The following MTAP variants were observed in gnomAD, a reference collection of about 807,000 sequenced individuals.
The protein encoded by MTAP is S-methyl-5'-thioadenosine phosphorylase.
Under a neutral mutation model 33.6 loss-of-function variants are expected in MTAP, and 33 were observed. The ratio of observed to expected loss-of-function variants is 0.98; its 90% CI spans 0.74 to 1.31. The LOEUF is 1.31. Among genes scored for constraint, MTAP ranks in the 40% most tolerant of loss-of-function variants. The pLI is 0.00. For missense variants in MTAP, 367 were observed against 360.0 expected (o/e 1.02, Z -0.16); for synonymous variants, 148 against 125.7 (o/e 1.18, Z -1.19).
At chr9:21,929,924 A>G (rs1818929542) in intron 1 of MTAP, 1 of 406,992 alleles carries the variant, frequency 2.5e-6, no homozygotes, top group African/African-American at 2.0e-5. Context: ...TAACCAACAG[A>G]CTGATGGAAC....
At chr9:21,839,410 G>T (rs552847232) in intron 5 of MTAP, among the ~76,000 whole-genome samples, 1 of 152,158 alleles carries the variant, frequency 6.6e-6, no homozygotes, top group Non-Finnish European at 1.5e-5. Flanking sequence ...ATGCATGCTC[G>T]TATGAATCTG....
chr9:21,802,868 T>C, intron 1 of MTAP, 87 bp downstream of exon 1: 3 of 1,561,006 alleles, frequency 1.9e-6, no homozygotes, highest in Admixed American at 1.9e-5. Flanking sequence ...CCGGGGGCCA[T>C]GCGCCCGGCC....
intron 1 of MTAP, among the ~76,000 whole-genome samples, chr9:21,907,071 A>G (rs1343476389): frequency 6.6e-6 from 1 of 152,204 alleles, no homozygotes; most frequent in Admixed American, 6.5e-5. Context: ...GTGAGTGGGT[A>G]TGCTTATTGA....
chr9:21,816,689 A>G, intron 2 of MTAP, 25 bp from the exon 3 acceptor site: 1 of 1,602,932 alleles, frequency 6.2e-7, no homozygotes, highest in East Asian at 2.2e-5. Flanking sequence ...CACTGAGTTA[A>G]ATGTCATTTT....
At chr9:21,844,787 C>A (rs1206491792) in intron 5 of MTAP, among the ~76,000 whole-genome samples, 1 of 152,190 alleles carries the variant, frequency 6.6e-6, no homozygotes, top group Non-Finnish European at 1.5e-5. Context: ...GTAATCCCAG[C>A]ACTTTGGGAG....
chr9:21,834,620 C>G (rs935878383), intron 4 of MTAP, among the ~76,000 whole-genome samples: 9 of 152,172 alleles, frequency 5.9e-5, no homozygotes, highest in African/African-American at 2.2e-4. Context: ...CAATGGAGTC[C>G]TCACCTCTCA....
chr9:21,919,519 C>G (rs755786566), intron 1 of MTAP, among the ~76,000 whole-genome samples: 16 of 152,162 alleles, frequency 1.1e-4, no homozygotes, highest in Non-Finnish European at 1.8e-4. Flanking sequence ...TCCCTGGGTT[C>G]AGATGTGGAC....
downstream of MTAP, among the ~76,000 whole-genome samples, chr9:21,871,811 T>C (rs1321346683): frequency 1.3e-5 from 2 of 152,156 alleles, no homozygotes; most frequent in African/African-American, 4.8e-5. Context: ...ATGATTTTAC[T>C]ACGTAAAATT....
intron 1 of MTAP, chr9:21,893,488 A>G (rs549087384): frequency 6.6e-6 from 1 of 152,318 alleles, no homozygotes; most frequent in East Asian, 1.9e-4. Context: ...AAAAATAAAT[A>G]AGATTGAAAG....
chr9:21,898,760 T>C (rs1407630143), intron 1 of MTAP, among the ~76,000 whole-genome samples: 2 of 152,056 alleles, frequency 1.3e-5, no homozygotes, highest in African/African-American at 4.8e-5. Flanking sequence ...TGTGGAGAAA[T>C]AGGAACACTT....
chr9:21,906,428 T>C (rs1264168665), intron 1 of MTAP, among the ~76,000 whole-genome samples: 2 of 151,972 alleles, frequency 1.3e-5, no homozygotes, highest in African/African-American at 4.8e-5. Flanking sequence ...ATAATGGATT[T>C]GAAGAAGTTA....
chr9:21,912,639 A>G (rs550465827), intron 1 of MTAP, among the ~76,000 whole-genome samples: 2 of 152,342 alleles, frequency 1.3e-5, no homozygotes, highest in African/African-American at 2.4e-5. Context: ...ATCTCAAAAT[A>G]ATAAGAGCTA....
chr9:21,839,173 G>GTT lies in MTAP; in HGVS notation c.450+1177_450+1178dup, dbSNP rs10634119. 1.4e-3 allele frequency among the ~76,000 whole-genome samples: 202 copies of GTT among 143,776 alleles called. 2 individuals are homozygous for GTT. Among genetic ancestry groups the GTT allele is most frequent in the African/African-American group, 3.7e-3 (146 of 39,008 alleles). The allele number at this position is 143,776 out of a possible 152,430, so 94.3% of individuals were successfully genotyped here. ...TCTAGGAAAGTACGTCTTTTACTTG[G>GTT]TTTTTTTTTTTTTTTAAAAAAGTGG... On this transcript the variant is annotated intron_variant, in intron 5 of 7. Coordinates refer to ENST00000644715, the MANE Select transcript of MTAP (RefSeq NM_002451.4).
chr9:21,871,614 A>G (rs535112424), downstream of MTAP, among the ~76,000 whole-genome samples: 1 of 152,296 alleles, frequency 6.6e-6, no homozygotes, highest in South Asian at 2.1e-4. Flanking sequence ...ATATACATAT[A>G]TGTATTTGTT....
intron 1 of MTAP, among the ~76,000 whole-genome samples, chr9:21,805,324 A>G (rs753906908): frequency 6.6e-6 from 1 of 152,256 alleles, no homozygotes; most frequent in Non-Finnish European, 1.5e-5. Flanking sequence ...AAATCTAGCC[A>G]TCTACTGGTG....
At position 21,886,420 on chromosome 9, in the gene MTAP, T is replaced by C. The variant is rs112803509; in HGVS notation, c.147+31550T>C. Among the ~76,000 whole-genome samples the C allele has an allele frequency of 2.6e-5, 4 of 152,308 alleles. 1 individual carries two copies. The highest frequency in any genetic ancestry group is 9.6e-5 in the African/African-American group (4 of 41,580). On this transcript the variant is annotated intron_variant, in intron 1 of 1. Coordinates refer to the MTAP transcript ENST00000577563. ...GTGGGTTGTCTGTTTACTCTGCTGA[T>C]TATTTCTTTTGCTGTGCGGAACCTT... is the stretch of plus-strand genomic sequence containing the variant.
At chr9:21,919,580 C>T (rs1818752860) in intron 1 of MTAP, among the ~76,000 whole-genome samples, 1 of 152,176 alleles carries the variant, frequency 6.6e-6, no homozygotes, top group African/African-American at 2.4e-5. Flanking sequence ...ATGTATAAAA[C>T]ACTGTGAGGT....
At chr9:21,806,966 C>G (rs1449371282) in intron 1 of MTAP, among the ~76,000 whole-genome samples, 1 of 152,062 alleles carries the variant, frequency 6.6e-6, no homozygotes, top group Non-Finnish European at 1.5e-5. Flanking sequence ...AAGTTCAAGA[C>G]CAGCCTGGGC....
At chr9:21,847,593 C>T (rs1825413858) in intron 5 of MTAP, among the ~76,000 whole-genome samples, 1 of 152,108 alleles carries the variant, frequency 6.6e-6, no homozygotes, top group African/African-American at 2.4e-5. Flanking sequence ...GTGGAATCAC[C>T]CTTAGTGACT....
Sources: allele counts gnomAD v4.1 joint callset (sites outside exome capture counted in the v4.1 genomes callset), GRCh38; gene constraint gnomAD v4.1.1; transcripts MANE v1.5; gene names NCBI Gene and HGNC (gene_info 2026-07-23, HGNC 2026-07-21).